LRFN5: variants seen among roughly 807,000 people sequenced by gnomAD.
LRFN5 encodes leucine-rich repeat and fibronectin type-III domain-containing protein 5.
In LRFN5, 24 loss-of-function variants were observed where a neutral mutation model predicts 45.6. The observed-to-expected ratio is 0.53, with a 90% CI of 0.38 to 0.74. The LOEUF (loss-of-function observed/expected upper bound fraction) is 0.74. LRFN5 is among the 30% of genes least tolerant of loss of function. LRFN5 has a pLI of 0.00. For synonymous variants in LRFN5, 340 were observed against 313.8 expected (o/e 1.08, Z -0.88); for missense variants, 776 against 861.5 (o/e 0.90, Z 1.24).
At chr14:41,896,652 C>T (rs533430122) in intron 4 of LRFN5, among the ~76,000 whole-genome samples, 7 of 151,734 alleles carry the variant, frequency 4.6e-5, no homozygotes, top group Non-Finnish European at 7.4e-5. Context: ...GACAGATTGC[C>T]CAGTCTTTTT....
At chr14:41,801,879 G>A (rs77633384) in intron 2 of LRFN5, among the ~76,000 whole-genome samples, 2,035 of 152,216 alleles carry the variant, frequency 0.013, 19 homozygotes, top group Non-Finnish European at 0.018. Context: ...TCCCAAGTGG[G>A]TCTTAAGGTT....
Position 41,688,910 on chromosome 14 carries a change from CAAA to C in LRFN5, c.-196-77928_-196-77926del, listed in dbSNP as rs59803978. 5.0e-3 allele frequency among the ~76,000 whole-genome samples: 631 copies of C among 125,232 alleles called. 1 individual carries two copies. The highest frequency in any genetic ancestry group is 0.013 in the African/African-American group (446 of 34,774). The allele number at this position is 125,232 out of a possible 152,430, so 82.2% of individuals were successfully genotyped here. ...CAGCATGGTGAGACCCTATTTCTAC[CAAA>C]AAAAAAAAAAAAAAAGGAAAAAGAA... On this transcript the variant is annotated intron_variant, in intron 1 of 5. Transcript: ENST00000298119.
chr14:41,899,015 T>C (rs1891026534), intron 5 of LRFN5, 55 bp downstream of exon 5: 2 of 1,371,962 alleles, frequency 1.5e-6, no homozygotes, highest in African/African-American at 3.0e-5. Flanking sequence ...TATACACTTT[T>C]TATAAATTAA....
chr14:41,732,328 T>C (rs1312727409), intron 1 of LRFN5, among the ~76,000 whole-genome samples: 1 of 152,192 alleles, frequency 6.6e-6, no homozygotes. Flanking sequence ...TTGTTGTAAG[T>C]CTTCTGCTTC....
chr14:41,801,044 C>G (rs1017637249), intron 2 of LRFN5, among the ~76,000 whole-genome samples: 3 of 151,958 alleles, frequency 2.0e-5, no homozygotes, highest in African/African-American at 7.2e-5. Flanking sequence ...CAATATCACA[C>G]TATATCTAAC....
chr14:41,883,094 C>CCCCGA (rs1890443132), intron 2 of LRFN5, among the ~76,000 whole-genome samples: 1 of 151,428 alleles, frequency 6.6e-6, no homozygotes, highest in African/African-American at 2.4e-5. Context: ...TAATCTGTCC[C>CCCCGA]CCCGACCCTG....
intron 2 of LRFN5, among the ~76,000 whole-genome samples, chr14:41,850,209 A>C (rs918598934): frequency 6.6e-6 from 1 of 151,964 alleles, no homozygotes; most frequent in Non-Finnish European, 1.5e-5. Flanking sequence ...TAACAAGTAG[A>C]ATACACATAG....
intron 1 of LRFN5, among the ~76,000 whole-genome samples, chr14:41,670,692 A>C (rs1007409037): frequency 6.6e-6 from 1 of 151,958 alleles, no homozygotes; most frequent in Non-Finnish European, 1.5e-5. Context: ...TCACTGAAAT[A>C]GGCTCAGGAT....
intron 1 of LRFN5, among the ~76,000 whole-genome samples, chr14:41,674,886 C>T (rs545541449): frequency 3.7e-4 from 55 of 149,864 alleles, no homozygotes; most frequent in Non-Finnish European, 2.2e-4. Context: ...GCTTCTCAGA[C>T]GGAACGGCCG....
rs1009850533 is a variant in LRFN5 at position 41,794,790 on chromosome 14, G to A, written c.-21+27761G>A. Among the ~76,000 whole-genome samples the A allele has an allele frequency of 2.6e-5, 4 of 152,026 alleles. No homozygotes were observed. In the South Asian group the frequency reaches 8.3e-4, roughly 31 times the overall value. ...CAGGAATTTTTCTAGAATCAGGTAAGCATTGCAGCATATAAAAAAATGCAT... is the reference window on the plus strand; with the variant it reads ...CAGGAATTTTTCTAGAATCAGGTAAACATTGCAGCATATAAAAAAATGCAT... On this transcript the variant is annotated intron_variant, in intron 2 of 5. Transcript: ENST00000298119.
intron 2 of LRFN5, among the ~76,000 whole-genome samples, chr14:41,862,691 T>C (rs1377229842): frequency 1.3e-5 from 2 of 152,160 alleles, no homozygotes; most frequent in African/African-American, 4.8e-5. Flanking sequence ...CTATCTATAA[T>C]TGACAACTTT....
chr14:41,758,588 G>A (rs989238315), intron 1 of LRFN5, among the ~76,000 whole-genome samples: 1 of 152,226 alleles, frequency 6.6e-6, no homozygotes, highest in African/African-American at 2.4e-5. Context: ...CCTTTCTTAA[G>A]TCAATGTTAA....
chr14:41,635,913 A>C (rs1392255496), intron 1 of LRFN5, among the ~76,000 whole-genome samples: 3 of 152,150 alleles, frequency 2.0e-5, no homozygotes, highest in African/African-American at 7.2e-5. Flanking sequence ...CTAAATTTGC[A>C]TACTTTACCC....
chr14:41,857,633 A>G (rs189091363), intron 2 of LRFN5, among the ~76,000 whole-genome samples: 69 of 152,338 alleles, frequency 4.5e-4, no homozygotes, highest in Admixed American at 3.9e-3. Flanking sequence ...TCGAACCTGT[A>G]CTACCTGTGT....
chr14:41,846,891 G>A (rs1889088319), intron 2 of LRFN5, among the ~76,000 whole-genome samples: 1 of 151,974 alleles, frequency 6.6e-6, no homozygotes, highest in Non-Finnish European at 1.5e-5. Flanking sequence ...TTGGTCTATG[G>A]CCCCTTCCTT....
intron 2 of LRFN5, among the ~76,000 whole-genome samples, chr14:41,817,305 A>AT (rs992239699): frequency 6.0e-5 from 9 of 150,722 alleles, no homozygotes; most frequent in Admixed American, 1.3e-4. Flanking sequence ...CTTCATAGGT[A>AT]TTTTTTTTTC....
At chr14:41,878,119 A>G (rs1594488671) in intron 2 of LRFN5, among the ~76,000 whole-genome samples, 1 of 152,110 alleles carries the variant, frequency 6.6e-6, no homozygotes, top group African/African-American at 2.4e-5. Flanking sequence ...AAAAAGTTAG[A>G]CAGAAAACCT....
intron 1 of LRFN5, among the ~76,000 whole-genome samples, chr14:41,706,161 T>C (rs57140837): frequency 0.23 from 34,863 of 151,912 alleles, 4,162 homozygotes; most frequent in Non-Finnish European, 0.28. Flanking sequence ...AGTGCAATGG[T>C]GCGATCTTGG....
chr14:41,800,873 C>G (rs975849505), intron 2 of LRFN5, among the ~76,000 whole-genome samples: 4 of 151,714 alleles, frequency 2.6e-5, no homozygotes, highest in Admixed American at 2.6e-4. Flanking sequence ...TTAAAAAATA[C>G]TAGCTCTAGA....
Sources: allele counts gnomAD v4.1 joint callset (sites outside exome capture counted in the v4.1 genomes callset), GRCh38; gene constraint gnomAD v4.1.1; transcripts MANE v1.5; gene names NCBI Gene and HGNC (gene_info 2026-07-23, HGNC 2026-07-21).